The following DSCAM variants were observed in gnomAD, a reference collection of about 807,000 sequenced individuals.
DSCAM encodes DS cell adhesion molecule, also known as cell adhesion molecule DSCAM.
Under a neutral mutation model 217.7 loss-of-function variants are expected in DSCAM, and 47 were observed. The ratio of observed to expected loss-of-function variants is 0.22; its 90% CI spans 0.17 to 0.28. The LOEUF is 0.28. Ranked by LOEUF, DSCAM falls within the 10% of genes least tolerant of loss-of-function variation. The pLI is 1.00. For missense variants in DSCAM, 2,080 were observed against 2,618.3 expected (o/e 0.79, Z 4.49); for synonymous variants, 1,056 against 1,015.3 (o/e 1.04, Z -0.76).
rs1309235961 is a variant in DSCAM, at chr21:40,107,661, C to T, written c.3697-13787G>A. Among the ~76,000 whole-genome samples the T allele has an allele frequency of 2.6e-5, 4 of 152,090 alleles. No individual in the cohort carries two copies. In the East Asian group the frequency reaches 7.7e-4, roughly 29 times the overall value. On this transcript the variant is annotated intron_variant, in intron 20 of 32. Coordinates refer to ENST00000400454, the MANE Select transcript of DSCAM (RefSeq NM_001389.5). ...AAGTCTCTTTGATGGTCTCTAAGAA[C>T]TTGCTTTATGAACCTGGGTGCTCCC...
intron 3 of DSCAM, among the ~76,000 whole-genome samples, chr21:40,465,144 C>T (rs966270518): frequency 6.6e-6 from 1 of 152,108 alleles, no homozygotes; most frequent in African/African-American, 2.4e-5. Context: ...CCTTCATGTA[C>T]ATATAAGATC....
intron 3 of DSCAM, among the ~76,000 whole-genome samples, chr21:40,410,759 C>A (rs79668625): frequency 5.8e-4 from 83 of 142,530 alleles, no homozygotes; most frequent in South Asian, 1.1e-3. Context: ...CTATACAGTA[C>A]AAAAAAAAAA....
At chr21:40,708,018 A>T (rs372662781) in intron 2 of DSCAM, among the ~76,000 whole-genome samples, 1 of 152,240 alleles carries the variant, frequency 6.6e-6, no homozygotes, top group Non-Finnish European at 1.5e-5. Context: ...TTCTGTTTCC[A>T]TAACAGTACA....
chr21:40,368,169 A>G (rs1336946936), intron 4 of DSCAM, among the ~76,000 whole-genome samples: 3 of 152,174 alleles, frequency 2.0e-5, no homozygotes, highest in Admixed American at 2.0e-4. Context: ...TCCCCCTCCT[A>G]CCTCGAATCC....
At position 40,731,735 on chromosome 21, in the gene DSCAM, C is replaced by T. The variant is rs891105407; in HGVS notation, c.44-22964G>A. ...TTACCTCCTTCCCACTGCACCCCCC[C>T]CCCCGCCCCCCGGGTGAGAGTCTTG... On this transcript the variant is annotated intron_variant, in intron 1 of 32. Transcript: ENST00000400454. 1.5e-4 allele frequency among the ~76,000 whole-genome samples: 19 copies of T among 126,238 alleles called. 1 individual carries two copies. The highest frequency in any genetic ancestry group is 2.7e-4 in the Non-Finnish European group (16 of 58,458). 82.8% of individuals were successfully genotyped at this position (126,238 alleles called of 152,430 possible). A position where few individuals can be genotyped will look rare whatever the true frequency, so the allele number is the denominator to read the frequency against.
chr21:40,026,315 G>A (rs1167939106), intron 32 of DSCAM, among the ~76,000 whole-genome samples: 1 of 141,664 alleles, frequency 7.1e-6, no homozygotes. Context: ...TTTGGAATAG[G>A]TGTGGTGTGG....
At chr21:40,794,184 G>A (rs112396352) in intron 1 of DSCAM, among the ~76,000 whole-genome samples, 147 of 152,100 alleles carry the variant, frequency 9.7e-4, no homozygotes, top group African/African-American at 3.2e-3. Flanking sequence ...CACACTCTTC[G>A]TCTATCAAAT....
chr21:40,342,204 A>G (rs1050173932), intron 6 of DSCAM, among the ~76,000 whole-genome samples: 5 of 151,978 alleles, frequency 3.3e-5, no homozygotes, highest in African/African-American at 1.2e-4. Flanking sequence ...TATATATAGT[A>G]TCTATGTCAG....
chr21:40,234,520 T>C (rs1293668056), intron 11 of DSCAM, among the ~76,000 whole-genome samples: 1 of 152,226 alleles, frequency 6.6e-6, no homozygotes, highest in Non-Finnish European at 1.5e-5. Context: ...TGTGGCTGGT[T>C]CTTGAACTTT....
At chr21:40,505,189 A>G (rs2076200503) in intron 3 of DSCAM, among the ~76,000 whole-genome samples, 2 of 152,332 alleles carry the variant, frequency 1.3e-5, no homozygotes. Context: ...GATTTAGCCT[A>G]TCATCACTCA....
At chr21:40,041,294 A>G (rs1408846937) in intron 32 of DSCAM, among the ~76,000 whole-genome samples, 1 of 152,172 alleles carries the variant, frequency 6.6e-6, no homozygotes, top group Non-Finnish European at 1.5e-5. Context: ...TCTACAGGCA[A>G]CTATTTCAGG....
chr21:40,796,079 A>G (rs923624769), intron 1 of DSCAM, among the ~76,000 whole-genome samples: 1 of 152,252 alleles, frequency 6.6e-6, no homozygotes, highest in Non-Finnish European at 1.5e-5. Context: ...GAAAATAACA[A>G]GAGTACATAG....
In DSCAM at chr21:40,202,543, C is replaced by A. The variant is rs369552957; in HGVS notation, c.2357-13305G>T. On this transcript the variant is annotated intron_variant, in intron 11 of 32. Coordinates refer to ENST00000400454, the MANE Select transcript of DSCAM (RefSeq NM_001389.5). ...GCCTCTCTGTGCCTCAATTTCTGTA[C>A]CTATAATTACAGCACCCCCTCCTAG... is the stretch of plus-strand genomic sequence containing the variant. 2.6e-5 allele frequency among the ~76,000 whole-genome samples: 4 copies of A among 152,280 alleles called. No individual in the cohort carries two copies. The East Asian group carries it at 7.7e-4, about 29-fold the overall frequency.
intron 1 of DSCAM, among the ~76,000 whole-genome samples, chr21:40,779,598 G>A (rs2091521509): frequency 6.6e-6 from 1 of 152,060 alleles, no homozygotes. Flanking sequence ...GAAGACAAAT[G>A]GTATAAAAAG....
At chr21:40,182,269 G>A (rs1289377827) in intron 14 of DSCAM, among the ~76,000 whole-genome samples, 4 of 152,140 alleles carry the variant, frequency 2.6e-5, no homozygotes, top group Admixed American at 6.5e-5. Flanking sequence ...GGGGACACAG[G>A]AGAGCCCCTT....
chr21:40,031,199 G>A (rs1225332505), intron 32 of DSCAM, among the ~76,000 whole-genome samples: 4 of 152,186 alleles, frequency 2.6e-5, no homozygotes, highest in African/African-American at 9.7e-5. Flanking sequence ...CTCGAGAGGT[G>A]GAAAGTGATG....
rs2090765797 is a variant in DSCAM, at chr21:40,178,996, T to G, written c.2878A>C (p.Met960Leu). 12 of 1,614,060 alleles carry G rather than the reference T, an allele frequency of 7.4e-6. No individual in the cohort carries two copies. The East Asian group carries it at 2.7e-4, about 36-fold the overall frequency. ...TTGCCAATCCGGTTCTTGGCGTACA[T>G]GCGGATGCTGTAGGTGGAGGAAGGG... ...IHPSSTYSIRMYAKNRIGKSE... is the reference protein window; with the variant it reads ...IHPSSTYSIRLYAKNRIGKSE... Residue 960 changes from methionine (M) to leucine (L), a missense_variant, in exon 15 of 33, where the codon ATG becomes CTG. Transcript: ENST00000400454.
intron 3 of DSCAM, among the ~76,000 whole-genome samples, chr21:40,549,661 T>A (rs1478468909): frequency 2.0e-5 from 3 of 152,236 alleles, no homozygotes; most frequent in Non-Finnish European, 4.4e-5. Flanking sequence ...GCCTGTCTCA[T>A]AAGGTGTTAC....
intron 11 of DSCAM, among the ~76,000 whole-genome samples, chr21:40,249,419 T>A (rs1254073321): frequency 2.0e-5 from 3 of 152,198 alleles, no homozygotes; most frequent in Non-Finnish European, 4.4e-5. Flanking sequence ...GCCGCTGCCA[T>A]GTAAGAAGTG....
Sources: gnomAD v4.1 joint callset for allele counts (sites outside exome capture counted in the v4.1 genomes callset) on GRCh38, gnomAD v4.1.1 for gene constraint, MANE v1.5 for transcripts, NCBI Gene and HGNC (gene_info 2026-07-23, HGNC 2026-07-21) for gene names.